Variants in MYO16 observed in about 807,000 individuals in gnomAD.
MYO16 encodes myosin XVI.
In MYO16, 94 loss-of-function variants were observed where a neutral mutation model predicts 205.3. The observed-to-expected ratio is 0.46, with a 90% CI of 0.39 to 0.54. The LOEUF (loss-of-function observed/expected upper bound fraction) is 0.54. Among genes scored for constraint, MYO16 ranks in the 20% least tolerant of loss-of-function variants. The pLI is 0.00. For missense variants in MYO16, 2,315 were observed against 2,387.5 expected (o/e 0.97, Z 0.63); for synonymous variants, 988 against 954.0 (o/e 1.04, Z -0.66).
chr13:108,842,594 CAA>C (rs1275872403), intron 9 of MYO16, among the ~76,000 whole-genome samples: 21 of 152,148 alleles, frequency 1.4e-4, no homozygotes, highest in African/African-American at 4.8e-4. Flanking sequence ...ATCAAAAAGA[CAA>C]GAGATAACTA....
At chr13:108,517,952 T>G in the MYO16 span, among the ~76,000 whole-genome samples, 4 of 152,172 alleles carry the variant, frequency 2.6e-5, no homozygotes, top group African/African-American at 9.6e-5. Context: ...TATGAGGCAC[T>G]AAACCTCTTC....
chr13:109,186,859 G>A (rs1353482406), intron 34 of MYO16, among the ~76,000 whole-genome samples: 1 of 151,980 alleles, frequency 6.6e-6, no homozygotes, highest in Non-Finnish European at 1.5e-5. Context: ...TACAACTGGG[G>A]GAAACAAAAA....
Position 108,793,504 on chromosome 13 carries a change from T to C in MYO16, c.617-12T>C. On this transcript the variant is annotated splice_polypyrimidine_tract_variant and intron_variant, in intron 5 of 34. Coordinates refer to ENST00000457511, the MANE Select transcript of MYO16 (RefSeq NM_001198950.3). ...CTCTCCATTCTGGTTGAAAGGCTCT[T>C]TCTCCCCACAGGAGTGGATTTGACC... 1 of 1,612,446 alleles carries C rather than the reference T, an allele frequency of 6.2e-7. No homozygotes were observed. Among genetic ancestry groups the C allele is most frequent in the Non-Finnish European group, 8.5e-7 (1 of 1,179,040 alleles).
chr13:108,809,870 ATTGT>A (rs1398273213), intron 7 of MYO16, among the ~76,000 whole-genome samples: 10 of 152,198 alleles, frequency 6.6e-5, no homozygotes, highest in African/African-American at 2.4e-4. Context: ...ACAAGCCTTG[ATTGT>A]TCTTTTTCCA....
chr13:108,527,921 G>A, the MYO16 span, among the ~76,000 whole-genome samples: 2 of 152,122 alleles, frequency 1.3e-5, no homozygotes, highest in East Asian at 3.9e-4. Flanking sequence ...GTTTAACAAG[G>A]ACTTTCCAAA....
intron 32 of MYO16, among the ~76,000 whole-genome samples, chr13:109,151,860 G>A (rs1018078059): frequency 6.6e-6 from 1 of 152,190 alleles, no homozygotes; most frequent in Admixed American, 6.5e-5. Flanking sequence ...TCACAGCTAT[G>A]AAGTTACTTG....
chr13:108,693,757 A>G (rs1381126079), intron 2 of MYO16, among the ~76,000 whole-genome samples: 1 of 152,174 alleles, frequency 6.6e-6, no homozygotes, highest in Non-Finnish European at 1.5e-5. Flanking sequence ...GGTTTGTTAT[A>G]TAGGTGAACT....
the MYO16 span, among the ~76,000 whole-genome samples, chr13:108,552,952 C>A: frequency 3.3e-5 from 5 of 149,508 alleles, no homozygotes; most frequent in Non-Finnish European, 7.4e-5. Flanking sequence ...GAGGGTGGAG[C>A]CCTCGGTCTA....
chr13:108,921,438 G>A (rs1399453100), intron 16 of MYO16, among the ~76,000 whole-genome samples: 1 of 152,182 alleles, frequency 6.6e-6, no homozygotes, highest in Non-Finnish European at 1.5e-5. Flanking sequence ...TCTTATCAGT[G>A]TGTTCCATAT....
At chr13:108,576,500 TA>T in the MYO16 span, among the ~76,000 whole-genome samples, 2 of 152,234 alleles carry the variant, frequency 1.3e-5, no homozygotes, top group African/African-American at 4.8e-5. Context: ...AGTAATTATA[TA>T]AAGCATTGTT....
chr13:108,753,384 A>AAAAAAAAAAC (rs1566587652), intron 4 of MYO16, among the ~76,000 whole-genome samples: 16 of 145,808 alleles, frequency 1.1e-4, no homozygotes, highest in African/African-American at 3.9e-4. Flanking sequence ...AAAAAAAAAA[A>AAAAAAAAAAC]AAAAAAAAAA....
chr13:109,022,139 ATATTTATATATACAAATT>A (rs1324298241), intron 23 of MYO16, among the ~76,000 whole-genome samples: 11 of 132,982 alleles, frequency 8.3e-5, no homozygotes, highest in Non-Finnish European at 1.5e-4. Flanking sequence ...ATACATATAT[ATATTTATATATACAAATT>A]TATATATACA....
chr13:109,038,197 G>A (rs1051271398), intron 23 of MYO16, among the ~76,000 whole-genome samples: 16 of 151,998 alleles, frequency 1.1e-4, no homozygotes, highest in African/African-American at 3.1e-4. Flanking sequence ...CTTATGTGTC[G>A]GTTTCACTGG....
intron 20 of MYO16, among the ~76,000 whole-genome samples, chr13:108,967,907 G>A (rs60662146): frequency 2.0e-5 from 3 of 152,028 alleles, no homozygotes; most frequent in African/African-American, 7.3e-5. Flanking sequence ...TGCCCTTCCT[G>A]TGGAGAAACT....
chr13:108,810,247 C>A (rs1197170315), intron 7 of MYO16, among the ~76,000 whole-genome samples: 1 of 152,164 alleles, frequency 6.6e-6, no homozygotes, highest in Non-Finnish European at 1.5e-5. Flanking sequence ...TTCCATTAAG[C>A]CTACTCAAGT....
At chr13:109,182,326 C>T (rs147479418) in intron 34 of MYO16, among the ~76,000 whole-genome samples, 3 of 152,230 alleles carry the variant, frequency 2.0e-5, no homozygotes, top group South Asian at 2.1e-4. Context: ...AACCTACCTA[C>T]GATGGATGCA....
chr13:109,141,022 C>T lies in MYO16; in HGVS notation c.4810C>T (p.Pro1604Ser). The T allele has an allele frequency of 7.6e-7, 1 of 1,323,678 alleles. No homozygotes were observed. The highest frequency in any genetic ancestry group is 9.6e-7 in the Non-Finnish European group (1 of 1,040,198). The allele number at this position is 1,323,678 out of a possible 1,614,324, so 82.0% of individuals were successfully genotyped here. A position where few individuals can be genotyped will look rare whatever the true frequency, so the allele number is the denominator to read the frequency against. Residue 1604 changes from proline to serine, a missense_variant, in exon 32 of 35, where the codon CCG (proline) becomes TCG (serine). Transcript: ENST00000457511. The surrounding 1 kb of genome is among the most constrained non-coding windows in gnomAD (Gnocchi z 4.1). ...GCCCCCGCCCCCGCCCCCGCCCGGG[C>T]CGCCCCCCGCGCCCTACAGGCCCTG... is the stretch of plus-strand genomic sequence containing the variant. The part of the protein sequence containing the change: ...TPPPPPPPPG[P>S]PPAPYRPCAH...
chr13:108,817,470 G>A (rs914652412), intron 7 of MYO16, among the ~76,000 whole-genome samples: 1 of 152,142 alleles, frequency 6.6e-6, no homozygotes, highest in Non-Finnish European at 1.5e-5. Flanking sequence ...CTAATCTGGG[G>A]TGCTATAAAT....
chr13:108,800,014 C>A (rs184606147), intron 6 of MYO16, among the ~76,000 whole-genome samples: 166 of 152,118 alleles, frequency 1.1e-3, no homozygotes, highest in Non-Finnish European at 9.7e-4. Flanking sequence ...TGGATCCCAC[C>A]CGCCCGCCAT....
Sources: allele counts gnomAD v4.1 joint callset (sites outside exome capture counted in the v4.1 genomes callset), GRCh38; gene constraint gnomAD v4.1.1; non-coding constraint Gnocchi (gnomAD v3.1); transcripts MANE v1.5; gene names NCBI Gene and HGNC (gene_info 2026-07-23, HGNC 2026-07-21).